PDS5A: variants seen among roughly 807,000 people sequenced by gnomAD.
PDS5A encodes PDS5 cohesin associated factor A.
In PDS5A, 42 loss-of-function variants were observed where a neutral mutation model predicts 167.1. The ratio of observed to expected loss-of-function variants is 0.25; its 90% CI spans 0.20 to 0.33. PDS5A has a LOEUF of 0.33. Among genes scored for constraint, PDS5A ranks in the 10% least tolerant of loss-of-function variants. The pLI is 1.00. For missense variants in PDS5A, 1,033 were observed against 1,605.9 expected, an observed-to-expected ratio of 0.64 and a Z score of 6.10; for synonymous variants, 553 against 554.6, an observed-to-expected ratio of 1.00 and a Z score of 0.04.
At chr4:39,974,170 T>C in intron 2 of PDS5A, 2 of 576,510 alleles carry the variant, frequency 3.5e-6, no homozygotes, top group South Asian at 2.7e-5. Context: ...GCCAAACTGC[T>C]CTACTGAGAC....
intron 2 of PDS5A, among the ~76,000 whole-genome samples, chr4:39,955,208 T>C (rs779280816): frequency 5.9e-5 from 9 of 152,240 alleles, no homozygotes; most frequent in Admixed American, 2.0e-4. Context: ...GAGCATTACA[T>C]GAATAGAACA....
intron 5 of PDS5A, among the ~76,000 whole-genome samples, chr4:39,925,519 GGTTGCCTCTATTAGATA>G (rs1388603038): frequency 6.6e-6 from 1 of 152,192 alleles, no homozygotes; most frequent in African/African-American, 2.4e-5. Context: ...AACCATATGT[GGTTGCCTCTATTAGATA>G]GTAAGTCCCT....
chr4:39,969,065 G>A (rs913843692), intron 2 of PDS5A, among the ~76,000 whole-genome samples: 1 of 152,158 alleles, frequency 6.6e-6, no homozygotes, highest in Non-Finnish European at 1.5e-5. Flanking sequence ...GTAAGCCACC[G>A]TGCCAGCTAT....
chr4:39,921,046 T>C (rs1724914923), intron 6 of PDS5A, among the ~76,000 whole-genome samples: 1 of 152,218 alleles, frequency 6.6e-6, no homozygotes, highest in Non-Finnish European at 1.5e-5. Context: ...TCTTGAAGTT[T>C]TGGATCAAAC....
intron 21 of PDS5A, among the ~76,000 whole-genome samples, chr4:39,869,896 C>G: frequency 6.6e-6 from 1 of 152,112 alleles, no homozygotes; most frequent in South Asian, 2.1e-4. Context: ...CACTTGAGGT[C>G]AGGAGTTTGA....
At chr4:39,973,292 T>C (rs935487106) in intron 2 of PDS5A, 103 of 1,604,410 alleles carry the variant, frequency 6.4e-5, no homozygotes, top group Admixed American at 2.5e-4. Flanking sequence ...GATGCCAACA[T>C]GGAAGCAGTC....
chr4:39,963,844 G>C (rs1729725253), intron 2 of PDS5A, among the ~76,000 whole-genome samples: 1 of 151,802 alleles, frequency 6.6e-6, no homozygotes, highest in Non-Finnish European at 1.5e-5. Context: ...TCAAAAAGCG[G>C]GGGTGGGGGA....
At chr4:39,932,525 C>T (rs1042111086) in intron 2 of PDS5A, 5 of 219,070 alleles carry the variant, frequency 2.3e-5, no homozygotes, top group African/African-American at 9.3e-5. Context: ...TGGTATCTTC[C>T]GATGGTCATG....
At chr4:39,959,579 C>T (rs1729287666) in intron 2 of PDS5A, among the ~76,000 whole-genome samples, 1 of 152,030 alleles carries the variant, frequency 6.6e-6, no homozygotes, top group African/African-American at 2.4e-5. Context: ...CTCAAGTGAT[C>T]TGTCTGCCTT....
chr4:39,847,592 T>C (rs1717726688), intron 28 of PDS5A: 1 of 151,076 alleles, frequency 6.6e-6, no homozygotes, highest in African/African-American at 2.4e-5. Context: ...TGACGGAGAC[T>C]CAAAAAAAAA....
At chr4:39,905,228 C>T (rs1319413351) in intron 11 of PDS5A, among the ~76,000 whole-genome samples, 2 of 152,084 alleles carry the variant, frequency 1.3e-5, no homozygotes, top group Non-Finnish European at 2.9e-5. Context: ...CCCACTCAAA[C>T]AGAGCTTCCA....
At chr4:39,848,301 T>C (rs1717817063) in intron 28 of PDS5A, 1 of 153,346 alleles carries the variant, frequency 6.5e-6, no homozygotes, top group Non-Finnish European at 1.5e-5. Flanking sequence ...CTGGAAAAAC[T>C]TACAGAGCCT....
chr4:39,845,830 C>A lies in PDS5A; in HGVS notation c.3390G>T (p.Leu1130=). ...SYISEETRVL[L]LTGKPKPAGV... The stretch of plus-strand genomic sequence containing the variant: ...AAGTAAATAATACCTTTCCTGTTAA[C>A]AGAAGTACTCTTGTCTCTTCTGAAA... Residue 1130 remains leucine (L), a synonymous_variant, in exon 29 of 33, where the codon CTG becomes CTT. Coordinates refer to ENST00000303538, the MANE Select transcript of PDS5A (RefSeq NM_001100399.2). 7.2e-7 allele frequency: 1 copy of A among 1,398,570 alleles called. No individual in the cohort carries two copies. The highest frequency in any genetic ancestry group is 9.4e-7 in the Non-Finnish European group (1 of 1,069,400). 86.6% of individuals were successfully genotyped at this position (1,398,570 alleles called of 1,614,324 possible). A position where few individuals can be genotyped will look rare whatever the true frequency, so the allele number is the denominator to read the frequency against.
At chr4:39,856,893 G>A (rs903105474) in intron 26 of PDS5A, among the ~76,000 whole-genome samples, 2 of 151,890 alleles carry the variant, frequency 1.3e-5, no homozygotes, top group Non-Finnish European at 2.9e-5. Flanking sequence ...CTAAGTAAAT[G>A]GGAATACAGC....
chr4:39,967,942 A>C (rs187040602), intron 2 of PDS5A, among the ~76,000 whole-genome samples: 103 of 152,140 alleles, frequency 6.8e-4, no homozygotes, highest in African/African-American at 2.2e-3. Context: ...AACAAACAAA[A>C]AAAACACCAA....
chr4:39,866,789 G>C, intron 23 of PDS5A, 72 bp downstream of exon 23: 1 of 1,337,740 alleles, frequency 7.5e-7, no homozygotes, highest in Non-Finnish European at 1.0e-6. Context: ...GTATTCATTA[G>C]GTAAATAATT....
intron 2 of PDS5A, among the ~76,000 whole-genome samples, chr4:39,968,593 C>T (rs1338571217): frequency 7.9e-5 from 12 of 151,680 alleles, no homozygotes; most frequent in African/African-American, 2.4e-4. Context: ...CCACCACACC[C>T]GGCTAATTTT....
chr4:39,889,370 G>C (rs1030969185), intron 17 of PDS5A, among the ~76,000 whole-genome samples: 1 of 152,220 alleles, frequency 6.6e-6, no homozygotes, highest in Non-Finnish European at 1.5e-5. Flanking sequence ...GCCAGGCACT[G>C]GGGTATTTTG....
chr4:39,917,259 CA>C (rs1724476222), intron 7 of PDS5A, 71 bp from the exon 8 acceptor site: 7 of 1,006,442 alleles, frequency 7.0e-6, no homozygotes, highest in Admixed American at 3.2e-5. Context: ...TTTTAATAAA[CA>C]TTTTTTATAA....
Sources: gnomAD v4.1 joint callset for allele counts (sites outside exome capture counted in the v4.1 genomes callset) on GRCh38, gnomAD v4.1.1 for gene constraint, MANE v1.5 for transcripts, NCBI Gene and HGNC (gene_info 2026-07-23, HGNC 2026-07-21) for gene names.